Variants in CERS3 observed in about 807,000 individuals in gnomAD.
The protein encoded by CERS3 is LAG1 homolog, ceramide synthase 3.
A neutral mutation model predicts 50.3 loss-of-function variants in CERS3; 33 were observed. That is an observed-to-expected ratio of 0.66 (90% CI 0.50 to 0.88). The LOEUF is 0.88. CERS3 is among the 40% of genes least tolerant of loss of function. The probability of loss-of-function intolerance (pLI) is 0.00; values close to 1 mark genes in which losing one functional copy is unlikely to be tolerated. For synonymous variants in CERS3, 176 were observed against 155.2 expected (o/e 1.13, Z -0.99); for missense variants, 470 against 460.3 (o/e 1.02, Z -0.19).
chr15:100,528,958 C>T (rs763168354), upstream of CERS3: 7 of 152,170 alleles, frequency 4.6e-5, no homozygotes, highest in Non-Finnish European at 1.0e-4. Context: ...TTCAGAGACC[C>T]ACCCTCCAAA....
chr15:100,423,880 C>A (rs961299258), intron 11 of CERS3, among the ~76,000 whole-genome samples: 11 of 152,022 alleles, frequency 7.2e-5, no homozygotes, highest in African/African-American at 2.7e-4. Flanking sequence ...GTACAGCCTG[C>A]AGAACCATGA....
intron 11 of CERS3, among the ~76,000 whole-genome samples, chr15:100,433,983 A>G (rs2033269283): frequency 6.6e-6 from 1 of 152,242 alleles, no homozygotes; most frequent in South Asian, 2.1e-4. Context: ...AACATTAAAC[A>G]GGTAGCTGCC....
chr15:100,438,781 A>G (rs779924813), intron 11 of CERS3, among the ~76,000 whole-genome samples: 2 of 152,250 alleles, frequency 1.3e-5, no homozygotes, highest in Non-Finnish European at 2.9e-5. Flanking sequence ...TTGTGTCTGC[A>G]TGCTACAGTT....
chr15:100,533,342 C>T (rs750580003), upstream of CERS3, among the ~76,000 whole-genome samples: 2 of 152,154 alleles, frequency 1.3e-5, no homozygotes, highest in Non-Finnish European at 2.9e-5. Flanking sequence ...TGCTAAATCC[C>T]CAGGGGTTAG....
At chr15:100,419,668 G>C (rs1383256090) in intron 11 of CERS3, among the ~76,000 whole-genome samples, 6 of 151,608 alleles carry the variant, frequency 4.0e-5, no homozygotes, top group Non-Finnish European at 7.4e-5. Context: ...CCAAAATTGA[G>C]CACATACTGG....
chr15:100,495,687 A>G (rs1417920648), intron 3 of CERS3, among the ~76,000 whole-genome samples: 1 of 152,082 alleles, frequency 6.6e-6, no homozygotes, highest in Non-Finnish European at 1.5e-5. Flanking sequence ...TAAGTCCTTT[A>G]TCAGATATAT....
At chr15:100,537,174 G>C (rs926851042) in intron 1 of CERS3, among the ~76,000 whole-genome samples, 4 of 151,828 alleles carry the variant, frequency 2.6e-5, no homozygotes, top group African/African-American at 7.3e-5. Context: ...TCTCTAGTGG[G>C]ATTTTTAAAA....
intron 11 of CERS3, chr15:100,437,692 T>C (rs1353412856): frequency 1.3e-5 from 2 of 152,240 alleles, no homozygotes; most frequent in Admixed American, 6.5e-5. Context: ...AGCTAACATT[T>C]ATCATGTGCT....
rs1555530335 is a variant in CERS3 at position 100,483,788 on chromosome 15, T to TTATTATTA, written c.407+761_407+762insTAATAATA. Among the ~76,000 whole-genome samples the TTATTATTA allele has an allele frequency of 1.6e-3, 58 of 35,908 alleles. 2 individuals carry two copies. Among genetic ancestry groups the TTATTATTA allele is most frequent in the African/African-American group, 5.3e-3 (45 of 8,470 alleles). The allele number at this position is 35,908 out of a possible 152,430, so 23.6% of individuals were successfully genotyped here. On this transcript the variant is annotated intron_variant, in intron 5 of 11. Coordinates refer to ENST00000679737, the MANE Select transcript of CERS3 (RefSeq NM_001378789.1). ...ATAATAATAATAATTATTATTATTA[T>TTATTATTA]TTTTTTTTTTGAGACAGAGTCTTGC...
At chr15:100,506,343 G>C (rs182112571) in intron 2 of CERS3, among the ~76,000 whole-genome samples, 38 of 152,242 alleles carry the variant, frequency 2.5e-4, no homozygotes, top group Middle Eastern at 6.8e-3. Context: ...CACATGAAAA[G>C]ATGCTCTGCC....
chr15:100,485,780 C>A (rs749669426), intron 4 of CERS3, among the ~76,000 whole-genome samples: 1 of 152,128 alleles, frequency 6.6e-6, no homozygotes, highest in South Asian at 2.1e-4. Flanking sequence ...AGGAGACTTG[C>A]TGGAATCTTG....
chr15:100,516,171 C>T (rs967045623), intron 2 of CERS3, among the ~76,000 whole-genome samples: 4 of 152,242 alleles, frequency 2.6e-5, no homozygotes, highest in African/African-American at 7.2e-5. Flanking sequence ...TCAACTCATC[C>T]GGTTAGAAAG....
At chr15:100,450,345 C>T (rs1431307484) in intron 11 of CERS3, among the ~76,000 whole-genome samples, 1 of 144,940 alleles carries the variant, frequency 6.9e-6, no homozygotes, top group Non-Finnish European at 1.5e-5. Context: ...TTGAACTTGG[C>T]AGGCAGAAGT....
intron 4 of CERS3, among the ~76,000 whole-genome samples, chr15:100,487,908 T>C (rs2035536014): frequency 6.6e-6 from 1 of 152,210 alleles, no homozygotes; most frequent in Non-Finnish European, 1.5e-5. Flanking sequence ...AGAACTTACT[T>C]GCTCTGCATC....
At position 100,400,955 on chromosome 15, in the gene CERS3, C is replaced by G. The variant is rs2030475555; in HGVS notation, c.*1758G>C. The G allele has an allele frequency of 6.6e-6, 1 of 151,990 alleles. No individual in the cohort carries two copies. The highest frequency in any genetic ancestry group is 6.6e-5 in the Admixed American group (1 of 15,262). 9.4% of individuals were successfully genotyped at this position (151,990 alleles called of 1,614,324 possible). ...AAATGTTATACAGAGAAAATCTGAC[C>G]TTGTTTGTAACAATTTCTCAGAAAG... On this transcript the variant is annotated 3_prime_UTR_variant, in exon 12 of 12. Coordinates refer to ENST00000679737, the MANE Select transcript of CERS3 (RefSeq NM_001378789.1).
At chr15:100,521,413 C>T (rs912286180) in intron 2 of CERS3, among the ~76,000 whole-genome samples, 2 of 152,154 alleles carry the variant, frequency 1.3e-5, no homozygotes, top group African/African-American at 4.8e-5. Context: ...AAATGCCACC[C>T]CCTGATGGCT....
chr15:100,518,353 G>A (rs866632157), intron 2 of CERS3, among the ~76,000 whole-genome samples: 1 of 152,102 alleles, frequency 6.6e-6, no homozygotes, highest in African/African-American at 2.4e-5. Flanking sequence ...GACAGAGAGA[G>A]AGAGAGCATG....
At chr15:100,492,523 C>T (rs73473846) in intron 3 of CERS3, among the ~76,000 whole-genome samples, 185 of 152,312 alleles carry the variant, frequency 1.2e-3, no homozygotes, top group African/African-American at 4.2e-3. Context: ...TACAGCTACT[C>T]CAGTCCTCTT....
chr15:100,452,314 A>G (rs188914735), intron 11 of CERS3, among the ~76,000 whole-genome samples: 3 of 152,350 alleles, frequency 2.0e-5, no homozygotes, highest in Admixed American at 2.0e-4. Flanking sequence ...TAAATCAATA[A>G]TAAGAGAAAC....
Sources: gnomAD v4.1 joint callset for allele counts (sites outside exome capture counted in the v4.1 genomes callset) on GRCh38, gnomAD v4.1.1 for gene constraint, MANE v1.5 for transcripts, NCBI Gene and HGNC (gene_info 2026-07-23, HGNC 2026-07-21) for gene names.